KCNQ5: variants seen among roughly 807,000 people sequenced by gnomAD.
KCNQ5 encodes the protein potassium voltage-gated channel subfamily KQT member 5.
In KCNQ5, 30 loss-of-function variants were observed where a neutral mutation model predicts 98.2. That is an observed-to-expected ratio of 0.31 (90% CI 0.23 to 0.41). KCNQ5 has a LOEUF of 0.41. Among genes scored for constraint, KCNQ5 ranks in the 10% least tolerant of loss-of-function variants. KCNQ5 has a pLI of 1.00. For synonymous variants in KCNQ5, 458 were observed against 449.4 expected, an observed-to-expected ratio of 1.02 and a Z score of -0.24; for missense variants, 835 against 1,182.5, an observed-to-expected ratio of 0.71 and a Z score of 4.31.
intron 5 of KCNQ5, among the ~76,000 whole-genome samples, chr6:73,097,368 C>A (rs2150411297): frequency 6.6e-6 from 1 of 152,088 alleles, no homozygotes; most frequent in East Asian, 1.9e-4. Flanking sequence ...TCATGAGATG[C>A]AGAAACATCA....
At chr6:73,139,281 C>T (rs1207231116) in intron 10 of KCNQ5, among the ~76,000 whole-genome samples, 1 of 152,198 alleles carries the variant, frequency 6.6e-6, no homozygotes, top group African/African-American at 2.4e-5. Context: ...GAGGATGGGA[C>T]CGCCATCATT....
chr6:72,905,228 A>AT (rs1241270774), intron 1 of KCNQ5, among the ~76,000 whole-genome samples: 4 of 151,856 alleles, frequency 2.6e-5, no homozygotes, highest in East Asian at 3.9e-4. Flanking sequence ...GGAAGTTTTG[A>AT]TTTTTTTTAT....
chr6:73,101,787 T>C (rs1774787556), intron 5 of KCNQ5, among the ~76,000 whole-genome samples: 2 of 152,174 alleles, frequency 1.3e-5, no homozygotes, highest in Admixed American at 1.3e-4. Flanking sequence ...TGTTCATGGA[T>C]TAGAATAATC....
intron 5 of KCNQ5, among the ~76,000 whole-genome samples, chr6:73,091,953 T>A (rs1774270013): frequency 6.6e-6 from 1 of 152,166 alleles, no homozygotes; most frequent in Non-Finnish European, 1.5e-5. Flanking sequence ...TGATTCTACC[T>A]ATCCGTGAGC....
At chr6:72,645,395 A>C (rs1179207781) in intron 1 of KCNQ5, among the ~76,000 whole-genome samples, 1 of 151,752 alleles carries the variant, frequency 6.6e-6, no homozygotes, top group Non-Finnish European at 1.5e-5. Flanking sequence ...CAAGGAAAAA[A>C]AAAAAACACA....
chr6:72,768,045 GT>G (rs1772669369), intron 1 of KCNQ5, among the ~76,000 whole-genome samples: 1 of 152,044 alleles, frequency 6.6e-6, no homozygotes, highest in Admixed American at 6.6e-5. Context: ...GAACATTAAT[GT>G]TCATAGAAGC....
At chr6:72,883,589 C>CA (rs551737016) in intron 1 of KCNQ5, among the ~76,000 whole-genome samples, 2 of 152,036 alleles carry the variant, frequency 1.3e-5, no homozygotes, top group East Asian at 3.9e-4. Context: ...AGACAGGAGT[C>CA]AAAAAAATAG....
chr6:72,941,507 TC>T (rs1766274692), intron 1 of KCNQ5, among the ~76,000 whole-genome samples: 5 of 58,360 alleles, frequency 8.6e-5, no homozygotes, highest in African/African-American at 2.5e-4. Context: ...TTCCTTTTTC[TC>T]TCCCTCCCTT....
intron 1 of KCNQ5, among the ~76,000 whole-genome samples, chr6:72,745,786 T>C (rs1412428304): frequency 6.6e-6 from 1 of 152,148 alleles, no homozygotes; most frequent in South Asian, 2.1e-4. Context: ...AGTCAAGGTG[T>C]GTCTGAAGGT....
chr6:72,704,852 A>C (rs1768993345), intron 1 of KCNQ5, among the ~76,000 whole-genome samples: 1 of 152,200 alleles, frequency 6.6e-6, no homozygotes. Context: ...ATTGCATTAA[A>C]TGTATAAGTT....
intron 1 of KCNQ5, among the ~76,000 whole-genome samples, chr6:72,658,425 C>G (rs1053172390): frequency 6.7e-6 from 1 of 150,254 alleles, no homozygotes; most frequent in African/African-American, 2.5e-5. Context: ...GGATTACAGG[C>G]GCCCACCACC....
intron 10 of KCNQ5, among the ~76,000 whole-genome samples, chr6:73,164,480 T>C (rs1364585151): frequency 6.6e-6 from 1 of 152,230 alleles, no homozygotes; most frequent in Non-Finnish European, 1.5e-5. Context: ...ATGTAATTGA[T>C]GACCGACTCT....
chr6:72,635,906 G>A (rs957383554), intron 1 of KCNQ5, among the ~76,000 whole-genome samples: 1 of 151,686 alleles, frequency 6.6e-6, no homozygotes, highest in Non-Finnish European at 1.5e-5. Flanking sequence ...AGAAAATGTG[G>A]ATTTTAGAAA....
At chr6:72,950,644 C>T (rs1766756916) in intron 1 of KCNQ5, among the ~76,000 whole-genome samples, 1 of 152,170 alleles carries the variant, frequency 6.6e-6, no homozygotes, top group African/African-American at 2.4e-5. Context: ...CAGTGATGAG[C>T]ACACAGGCAT....
At chr6:72,683,346 C>G (rs1767797279) in intron 1 of KCNQ5, among the ~76,000 whole-genome samples, 1 of 147,534 alleles carries the variant, frequency 6.8e-6, no homozygotes, top group Non-Finnish European at 1.5e-5. Flanking sequence ...GAAGCAAGTG[C>G]TTGTTAGCCA....
intron 10 of KCNQ5, among the ~76,000 whole-genome samples, chr6:73,137,501 GTA>G (rs1776520143): frequency 6.6e-6 from 1 of 152,166 alleles, no homozygotes. Flanking sequence ...TTCATTGACA[GTA>G]TGTAACCCTC....
chr6:73,003,827 T>C, intron 1 of KCNQ5, 81 bp from the exon 2 acceptor site: 1 of 915,184 alleles, frequency 1.1e-6, no homozygotes, highest in East Asian at 2.4e-5. Flanking sequence ...GGCCTGGTGC[T>C]TTATTCATTT....
rs796419053 is a variant in KCNQ5, at chr6:73,100,615, G to A, written c.919-4642G>A. On this transcript the variant is annotated intron_variant, in intron 5 of 13. Transcript: ENST00000370398. ...ACCCGGGAGGCGGAGCTTGCAGTGA[G>A]CCCAGATCACACCACTGCACTCCAG... Among the ~76,000 whole-genome samples, 6 of 151,514 alleles carry A rather than the reference G, an allele frequency of 4.0e-5. No homozygotes were observed. The South Asian group carries it at 1.3e-3, about 32-fold the overall frequency.
intron 1 of KCNQ5, among the ~76,000 whole-genome samples, chr6:72,775,518 A>G (rs1773116618): frequency 6.6e-6 from 1 of 152,200 alleles, no homozygotes; most frequent in South Asian, 2.1e-4. Context: ...GAGCTGGAAC[A>G]TACCTCTGCC....
Sources: allele counts gnomAD v4.1 joint callset (sites outside exome capture counted in the v4.1 genomes callset), GRCh38; gene constraint gnomAD v4.1.1; transcripts MANE v1.5; gene names NCBI Gene and HGNC (gene_info 2026-07-23, HGNC 2026-07-21).